The following NAALADL2 variants were observed in gnomAD, a reference collection of about 807,000 sequenced individuals.
The protein encoded by NAALADL2 is inactive N-acetylated-alpha-linked acidic dipeptidase-like protein 2.
A neutral mutation model predicts 87.2 loss-of-function variants in NAALADL2; 76 were observed. That is an observed-to-expected ratio of 0.87 (90% CI 0.72 to 1.05). The LOEUF (loss-of-function observed/expected upper bound fraction) is 1.05. NAALADL2 is among the 50% of genes least tolerant of loss of function. The pLI, the probability that NAALADL2 is intolerant of heterozygous loss-of-function variation, is 0.00. For synonymous variants in NAALADL2, 354 were observed against 331.0 expected (o/e 1.07, Z -0.75); for missense variants, 1,089 against 945.8 (o/e 1.15, Z -1.99).
chr3:175,627,166 C>A, intron 10 of NAALADL2, 125 bp from the exon 11 acceptor site: 1 of 690,792 alleles, frequency 1.4e-6, no homozygotes, highest in Non-Finnish European at 2.5e-6. Flanking sequence ...AGAATGAAAT[C>A]CAGCAATCAA....
chr3:174,962,782 GT>G (rs1742305003), intron 1 of NAALADL2, among the ~76,000 whole-genome samples: 1 of 151,948 alleles, frequency 6.6e-6, no homozygotes, highest in Non-Finnish European at 1.5e-5. Flanking sequence ...TAAGAGAAAA[GT>G]TTTCCTTGGA....
intron 2 of NAALADL2, among the ~76,000 whole-genome samples, chr3:174,640,600 A>C (rs555455563): frequency 3.2e-4 from 49 of 152,196 alleles, no homozygotes; most frequent in Non-Finnish European, 5.9e-4. Flanking sequence ...TACTTGCCCC[A>C]GGGCTGCATT....
intron 9 of NAALADL2, among the ~76,000 whole-genome samples, chr3:175,487,074 G>C (rs1727383651): frequency 6.6e-6 from 1 of 152,106 alleles, no homozygotes; most frequent in Non-Finnish European, 1.5e-5. Flanking sequence ...TTCACTTAGA[G>C]TAAAAGCCAA....
chr3:174,650,819 G>C (rs550196398), intron 2 of NAALADL2, among the ~76,000 whole-genome samples: 1 of 152,108 alleles, frequency 6.6e-6, no homozygotes, highest in Non-Finnish European at 1.5e-5. Flanking sequence ...GTCTTAGCAC[G>C]CCAGGCTTCA....
chr3:174,773,778 G>T (rs150089496), intron 3 of NAALADL2, among the ~76,000 whole-genome samples: 1 of 152,218 alleles, frequency 6.6e-6, no homozygotes, highest in African/African-American at 2.4e-5. Context: ...TCCTTTGAGA[G>T]CCTCACGTTA....
chr3:175,061,366 G>A (rs1713443619), intron 1 of NAALADL2, among the ~76,000 whole-genome samples: 1 of 151,736 alleles, frequency 6.6e-6, no homozygotes, highest in Admixed American at 6.6e-5. Context: ...TGAAAATAAA[G>A]TATGAGAAAA....
chr3:175,140,851 A>T (rs886557853), intron 2 of NAALADL2, among the ~76,000 whole-genome samples: 3 of 152,136 alleles, frequency 2.0e-5, no homozygotes, highest in Non-Finnish European at 4.4e-5. Flanking sequence ...AGGTGTGGTG[A>T]CACAAGTTGA....
At chr3:175,236,008 T>C (rs1370709059) in intron 3 of NAALADL2, among the ~76,000 whole-genome samples, 2 of 152,150 alleles carry the variant, frequency 1.3e-5, no homozygotes. Context: ...TTTCATATTG[T>C]ACAGTTTCCA....
intron 6 of NAALADL2, among the ~76,000 whole-genome samples, chr3:175,447,798 C>A (rs895930568): frequency 3.3e-5 from 5 of 152,136 alleles, no homozygotes; most frequent in Non-Finnish European, 7.3e-5. Flanking sequence ...ACTAAAAAAT[C>A]CCTCTGTCTA....
intron 12 of NAALADL2, among the ~76,000 whole-genome samples, chr3:175,749,421 G>A (rs1204758025): frequency 6.6e-6 from 1 of 152,134 alleles, no homozygotes; most frequent in African/African-American, 2.4e-5. Flanking sequence ...TCACTGTTCT[G>A]GAGGTTTGGA....
At chr3:175,223,047 T>G (rs963593912) in intron 2 of NAALADL2, among the ~76,000 whole-genome samples, 1 of 151,510 alleles carries the variant, frequency 6.6e-6, no homozygotes, top group African/African-American at 2.4e-5. Context: ...ATTGTATAAT[T>G]ACCACAATCA....
chr3:175,659,449 G>A (rs967061059), intron 11 of NAALADL2, among the ~76,000 whole-genome samples: 1 of 151,886 alleles, frequency 6.6e-6, no homozygotes, highest in Non-Finnish European at 1.5e-5. Context: ...ATTATTTCTT[G>A]GTAACCAGCA....
chr3:175,230,271 G>C (rs1008436788), intron 2 of NAALADL2, among the ~76,000 whole-genome samples: 1 of 152,004 alleles, frequency 6.6e-6, no homozygotes, highest in Non-Finnish European at 1.5e-5. Flanking sequence ...GATTTCTTAA[G>C]CACATCAGAA....
rs12635667 is a variant in NAALADL2, at chr3:175,419,523, C to T, written c.1091-27706C>T. Among the ~76,000 whole-genome samples the T allele has an allele frequency of 3.0e-4, 46 of 152,020 alleles. 1 individual carries two copies. The East Asian group carries it at 7.0e-3, about 23-fold the overall frequency. On this transcript the variant is annotated intron_variant, in intron 5 of 13. Coordinates refer to ENST00000454872, the MANE Select transcript of NAALADL2 (RefSeq NM_207015.3). ...GAGAAAATTATCCAACCATTTCTAT[C>T]TTCCAGTATACTGCATATTATTTAG...
chr3:174,544,903 T>G (rs1335295956), intron 1 of NAALADL2, among the ~76,000 whole-genome samples: 1 of 151,804 alleles, frequency 6.6e-6, no homozygotes, highest in African/African-American at 2.4e-5. Context: ...TGAGACAGAG[T>G]CTAGCTCCGT....
chr3:175,216,668 C>CTTTTTTTTTTTTTTT (rs3067029), intron 2 of NAALADL2, among the ~76,000 whole-genome samples: 8 of 87,344 alleles, frequency 9.2e-5, no homozygotes, highest in Non-Finnish European at 1.2e-4. Flanking sequence ...TTTTTCTTTT[C>CTTTTTTTTTTTTTTT]TTTTTTTTTT....
At chr3:175,385,150 A>T (rs946847450) in intron 5 of NAALADL2, among the ~76,000 whole-genome samples, 27 of 152,158 alleles carry the variant, frequency 1.8e-4, no homozygotes, top group African/African-American at 6.3e-4. Context: ...ATACATAAAT[A>T]GACCACATTT....
intron 1 of NAALADL2, among the ~76,000 whole-genome samples, chr3:174,860,841 C>A (rs1343240311): frequency 1.3e-5 from 2 of 151,788 alleles, no homozygotes; most frequent in Non-Finnish European, 2.9e-5. Flanking sequence ...TTCTCTGGTG[C>A]TTTTTATGTA....
chr3:174,669,526 C>T (rs1019603023), intron 2 of NAALADL2, among the ~76,000 whole-genome samples: 3 of 152,046 alleles, frequency 2.0e-5, no homozygotes, highest in African/African-American at 7.2e-5. Flanking sequence ...GGTCTTGGTA[C>T]TCTTGTCAAA....
Sources: allele counts gnomAD v4.1 joint callset (sites outside exome capture counted in the v4.1 genomes callset), GRCh38; gene constraint gnomAD v4.1.1; transcripts MANE v1.5; gene names NCBI Gene and HGNC (gene_info 2026-07-23, HGNC 2026-07-21).